The following PCSK1 variants were observed in gnomAD, a reference collection of about 807,000 sequenced individuals.
The protein encoded by PCSK1 is proprotein convertase subtilisin/kexin type 1.
PCSK1 carries 56 observed loss-of-function variants against 90.6 expected under a neutral mutation model. That is an observed-to-expected ratio of 0.62 (90% CI 0.50 to 0.77). The LOEUF (loss-of-function observed/expected upper bound fraction) is 0.77, where lower values mean the gene tolerates loss of function less well. PCSK1 is among the 30% of genes least tolerant of loss of function. The probability of loss-of-function intolerance (pLI) is 0.00; values close to 1 mark genes in which losing one functional copy is unlikely to be tolerated. For missense variants in PCSK1, 801 were observed against 932.6 expected (o/e 0.86, Z 1.84); for synonymous variants, 348 against 342.4 (o/e 1.02, Z -0.18).
At position 96,395,017 on chromosome 5, in the gene PCSK1, T is replaced by C. The variant is rs778377030; in HGVS notation, c.1731A>G (p.Arg577=). Residue 577 remains arginine, a synonymous_variant, in exon 13 of 14, where the codon AGA becomes AGG. Coordinates refer to ENST00000311106, the MANE Select transcript of PCSK1 (RefSeq NM_000439.5). ...TCACAATTCTTCCTTCATTTTGAATTCTTCCAGACTAACAAATAAGCATAC... is the reference window on the plus strand; with the variant it reads ...TCACAATTCTTCCTTCATTTTGAATCCTTCCAGACTAACAAATAAGCATAC... The part of the protein sequence containing the change: ...WTLRITDMSG[R]IQNEGRIVNW... The C allele has an allele frequency of 3.1e-6, 5 of 1,612,592 alleles. No individual in the cohort carries two copies. Among genetic ancestry groups the C allele is most frequent in the Non-Finnish European group, 4.2e-6 (5 of 1,178,642 alleles).
chr5:96,424,961 CA>C (rs58930420), intron 3 of PCSK1, among the ~76,000 whole-genome samples: 33 of 94,720 alleles, frequency 3.5e-4, no homozygotes, highest in East Asian at 8.3e-4. Flanking sequence ...AAAACTCTGT[CA>C]AAAAAAAAAA....
rs1367483164 is a variant in PCSK1 at position 96,391,720 on chromosome 5, C to T, written c.*1281G>A. 1.3e-5 allele frequency: 2 copies of T among 152,216 alleles called. No homozygotes were observed. Among genetic ancestry groups the T allele is most frequent in the Non-Finnish European group, 2.9e-5 (2 of 68,040 alleles). 9.4% of individuals were successfully genotyped at this position (152,216 alleles called of 1,614,324 possible). A position where few individuals can be genotyped will look rare whatever the true frequency, so the allele number is the denominator to read the frequency against. Reference sequence around the variant, plus strand: ...GGGGACTGAGAGTCATCTAATCAGGCAGCTGCTACTCAGCTCCAGCTAACT... The same window carrying T: ...GGGGACTGAGAGTCATCTAATCAGGTAGCTGCTACTCAGCTCCAGCTAACT... On this transcript the variant is annotated 3_prime_UTR_variant, in exon 14 of 14. Coordinates refer to ENST00000311106, the MANE Select transcript of PCSK1 (RefSeq NM_000439.5).
chr5:96,425,599 A>AT (rs1386261950), intron 3 of PCSK1, among the ~76,000 whole-genome samples: 5 of 152,070 alleles, frequency 3.3e-5, no homozygotes, highest in Admixed American at 6.6e-5. Flanking sequence ...AATACAACCT[A>AT]TTTTTTTCAC....
At chr5:96,394,584 CT>C (rs1358169462) in intron 13 of PCSK1, among the ~76,000 whole-genome samples, 1 of 152,016 alleles carries the variant, frequency 6.6e-6, no homozygotes, top group African/African-American at 2.4e-5. Context: ...ATAAAGATAA[CT>C]TTTTTTTCCA....
Position 96,392,530 on chromosome 5 carries a change from G to C in PCSK1, c.*471C>G, listed in dbSNP as rs886060884. On this transcript the variant is annotated 3_prime_UTR_variant, in exon 14 of 14. Transcript: ENST00000311106. ...AGTCTTACAGTGAACTCCTTCATTA[G>C]GCCTACCAAATACTTTCTTGGCATC... 8.7e-5 allele frequency: 15 copies of C among 171,698 alleles called. No homozygotes were observed. The highest frequency in any genetic ancestry group is 1.9e-4 in the Non-Finnish European group (15 of 79,906). 10.6% of individuals were successfully genotyped at this position (171,698 alleles called of 1,614,324 possible).
intron 2 of PCSK1, 28 bp downstream of exon 2, chr5:96,429,185 G>T: frequency 9.1e-7 from 1 of 1,102,748 alleles, no homozygotes; most frequent in Non-Finnish European, 1.4e-6. Context: ...CTAGAGTATT[G>T]GTTTGAAGAC....
intron 1 of PCSK1, among the ~76,000 whole-genome samples, chr5:96,431,202 C>T (rs1179086985): frequency 6.6e-6 from 1 of 152,154 alleles, no homozygotes; most frequent in African/African-American, 2.4e-5. Flanking sequence ...CTCAAAAATT[C>T]CTAATAATTG....
chr5:96,400,950 G>A (rs1292196700), intron 9 of PCSK1, among the ~76,000 whole-genome samples: 3 of 151,308 alleles, frequency 2.0e-5, no homozygotes, highest in Non-Finnish European at 3.0e-5. Context: ...AGCCGGGCGC[G>A]GTGGCGGGCG....
intron 11 of PCSK1, among the ~76,000 whole-genome samples, 173 bp from the exon 12 acceptor site, chr5:96,397,642 A>G (rs1760205423): frequency 6.6e-6 from 1 of 152,230 alleles, no homozygotes; most frequent in South Asian, 2.1e-4. Context: ...GTTTTTATCT[A>G]TAGTGCTTAG....
chr5:96,418,763 A>G (rs1761014599), intron 5 of PCSK1, among the ~76,000 whole-genome samples: 1 of 152,176 alleles, frequency 6.6e-6, no homozygotes, highest in South Asian at 2.1e-4. Flanking sequence ...CTTCTGATAA[A>G]TGATAAGGAT....
At position 96,392,452 on chromosome 5, in the gene PCSK1, G is replaced by C. The variant is rs1204900862; in HGVS notation, c.*549C>G. The C allele has an allele frequency of 6.5e-6, 1 of 154,308 alleles. No individual in the cohort carries two copies. Among genetic ancestry groups the C allele is most frequent in the Non-Finnish European group, 1.4e-5 (1 of 69,310 alleles). The allele number at this position is 154,308 out of a possible 1,614,324, so 9.6% of individuals were successfully genotyped here. On this transcript the variant is annotated 3_prime_UTR_variant, in exon 14 of 14. Transcript: ENST00000311106. ...ATCCAGCTTTTGACCAACATGACCA[G>C]ATTTTGACTACAGGAATGAGTGGCA...
Position 96,429,288 on chromosome 5 carries a change from G to C in PCSK1, c.210C>G (p.Phe70Leu). ...ACCTTCTGGGGTGGTTTTTATGTTT[G>C]AATAAGTAGTGATTTTCAAGTGAAC... ...QIGSLENHYL[F>L]KHKNHPRRSR... is the part of the protein sequence containing the mutation. Residue 70 changes from phenylalanine to leucine, a missense_variant, in exon 2 of 14, where the codon TTC (phenylalanine) becomes TTG (leucine). Coordinates refer to ENST00000311106, the MANE Select transcript of PCSK1 (RefSeq NM_000439.5). 6.3e-7 allele frequency: 1 copy of C among 1,592,378 alleles called. No individual in the cohort carries two copies. Among genetic ancestry groups the C allele is most frequent in the Non-Finnish European group, 8.6e-7 (1 of 1,160,528 alleles).
At chr5:96,400,538 T>C (rs1760319728) in intron 9 of PCSK1, among the ~76,000 whole-genome samples, 2 of 152,256 alleles carry the variant, frequency 1.3e-5, no homozygotes, top group African/African-American at 4.8e-5. Flanking sequence ...ACTTTCTTTA[T>C]GCCCTCCAGT....
intron 3 of PCSK1, among the ~76,000 whole-genome samples, chr5:96,425,125 G>T (rs886927408): frequency 5.3e-5 from 8 of 152,052 alleles, no homozygotes; most frequent in African/African-American, 9.7e-5. Flanking sequence ...TATGCAACAA[G>T]AGTATCAAAG....
rs138879299 is a variant in PCSK1, at chr5:96,410,934, C to T, written c.935G>A (p.Arg312His). Residue 312 changes from arginine (R) to histidine (H), a missense_variant, in exon 8 of 14, where the codon CGT becomes CAT. Arg to His is a conservative substitution (Grantham distance 29, BLOSUM62 0). Transcript: ENST00000311106. Reference sequence around the variant, plus strand: ...ATCACAGTCACAATTATCTCCCTGACGCCCCCCGTTTCCCGAAGCCCAGAC... The same window carrying T: ...ATCACAGTCACAATTATCTCCCTGATGCCCCCCGTTTCCCGAAGCCCAGAC... ...IFVWASGNGGRQGDNCDCDGY... is the reference protein window; with the variant it reads ...IFVWASGNGGHQGDNCDCDGY... The T allele has an allele frequency of 3.7e-6, 6 of 1,613,908 alleles. No homozygotes were observed. Among genetic ancestry groups the T allele is most frequent in the African/African-American group, 1.3e-5 (1 of 74,888 alleles).
chr5:96,390,546 T>C lies in PCSK1; in HGVS notation c.*2455A>G, dbSNP rs1160502852. ...CACTTTTAATATCACAACACATACATGTACTTTTTTTCATTGACAGAGGAA... is the reference window on the plus strand; with the variant it reads ...CACTTTTAATATCACAACACATACACGTACTTTTTTTCATTGACAGAGGAA... On this transcript the variant is annotated 3_prime_UTR_variant, in exon 14 of 14. Transcript: ENST00000311106. 1 of 152,640 alleles carries C rather than the reference T, an allele frequency of 6.6e-6. No individual in the cohort carries two copies. The allele number at this position is 152,640 out of a possible 1,614,324, so 9.5% of individuals were successfully genotyped here.
chr5:96,397,854 G>A (rs1168564457), intron 11 of PCSK1, among the ~76,000 whole-genome samples: 3 of 151,676 alleles, frequency 2.0e-5, no homozygotes, highest in Non-Finnish European at 2.9e-5. Flanking sequence ...AAGTGTGAGA[G>A]GAAATCTTGA....
chr5:96,405,898 G>T (rs995663101), intron 9 of PCSK1, among the ~76,000 whole-genome samples: 7 of 152,184 alleles, frequency 4.6e-5, no homozygotes, highest in African/African-American at 1.4e-4. Context: ...TCTGACAGGT[G>T]TTGGATAGAG....
chr5:96,394,814 T>G (rs1450130126), intron 13 of PCSK1, 50 bp downstream of exon 13: 1 of 1,574,162 alleles, frequency 6.4e-7, no homozygotes, highest in Non-Finnish European at 8.7e-7. Context: ...CTGACTACAT[T>G]GTCTACCCCA....
Sources: gnomAD v4.1 joint callset for allele counts (sites outside exome capture counted in the v4.1 genomes callset) on GRCh38, gnomAD v4.1.1 for gene constraint, MANE v1.5 for transcripts, NCBI Gene and HGNC (gene_info 2026-07-23, HGNC 2026-07-21) for gene names.